The following NFATC3 variants were observed in gnomAD, a reference collection of about 807,000 sequenced individuals.
The protein encoded by NFATC3 is nuclear factor of activated T cells 3.
Under a neutral mutation model 98.6 loss-of-function variants are expected in NFATC3, and 46 were observed. The observed-to-expected ratio is 0.47, with a 90% CI of 0.37 to 0.60. NFATC3 has a LOEUF of 0.60. NFATC3 is among the 20% of genes least tolerant of loss of function. The pLI is 0.00. For synonymous variants in NFATC3, 512 were observed against 472.2 expected, an observed-to-expected ratio of 1.08 and a Z score of -1.09; for missense variants, 1,256 against 1,295.5, an observed-to-expected ratio of 0.97 and a Z score of 0.47.
chr16:68,209,557 A>G (rs1194534945), intron 9 of NFATC3: 1 of 321,832 alleles, frequency 3.1e-6, no homozygotes, highest in African/African-American at 2.2e-5. Flanking sequence ...ATGGCCTAGC[A>G]CGTGGAATTT....
chr16:68,132,298 G>T (rs546945442), intron 3 of NFATC3, among the ~76,000 whole-genome samples: 2 of 152,282 alleles, frequency 1.3e-5, no homozygotes, highest in East Asian at 3.9e-4. Context: ...GGAGGGTGGG[G>T]TAGGGTGAGG....
intron 3 of NFATC3, among the ~76,000 whole-genome samples, chr16:68,130,217 A>G (rs1266170368): frequency 6.6e-6 from 1 of 152,032 alleles, no homozygotes; most frequent in Admixed American, 6.6e-5. Flanking sequence ...TAATTTTTTG[A>G]GTAACCTCCA....
chr16:68,151,644 T>G (rs2038324954), intron 3 of NFATC3, among the ~76,000 whole-genome samples: 2 of 152,182 alleles, frequency 1.3e-5, no homozygotes, highest in Non-Finnish European at 2.9e-5. Context: ...TCTCTGGCCC[T>G]TTCTCCTTAA....
At chr16:68,086,190 G>A (rs1404310408) in intron 1 of NFATC3, among the ~76,000 whole-genome samples, 1 of 152,132 alleles carries the variant, frequency 6.6e-6, no homozygotes, top group Non-Finnish European at 1.5e-5. Context: ...TTTGAAAGAT[G>A]CTTATTTTTC....
chr16:68,215,413 A>G (rs1432628359), intron 9 of NFATC3, among the ~76,000 whole-genome samples: 1 of 152,258 alleles, frequency 6.6e-6, no homozygotes, highest in African/African-American at 2.4e-5. Flanking sequence ...GGATTAGTTA[A>G]GTCACCTGAG....
chr16:68,094,161 T>A (rs2151446122), intron 1 of NFATC3, among the ~76,000 whole-genome samples: 1 of 152,096 alleles, frequency 6.6e-6, no homozygotes, highest in South Asian at 2.1e-4. Flanking sequence ...GGTCAAGAGG[T>A]GATATCATTT....
intron 9 of NFATC3, among the ~76,000 whole-genome samples, chr16:68,218,377 C>G (rs2041715309): frequency 6.6e-6 from 1 of 151,536 alleles, no homozygotes; most frequent in Non-Finnish European, 1.5e-5. Flanking sequence ...GAGTTTGAGA[C>G]CAGCCTGGGC....
At chr16:68,088,083 G>C (rs775711083) in intron 1 of NFATC3, among the ~76,000 whole-genome samples, 5 of 151,948 alleles carry the variant, frequency 3.3e-5, no homozygotes, top group Non-Finnish European at 7.4e-5. Context: ...TAGTTTGAAG[G>C]AACAAAGTGG....
intron 9 of NFATC3, among the ~76,000 whole-genome samples, chr16:68,215,402 A>C (rs2041593764): frequency 6.6e-6 from 1 of 152,228 alleles, no homozygotes; most frequent in African/African-American, 2.4e-5. Flanking sequence ...AAGTTGCAGA[A>C]GGATTAGTTA....
chr16:68,191,945 C>A, intron 9 of NFATC3, 170 bp downstream of exon 9: 1 of 704,418 alleles, frequency 1.4e-6, no homozygotes, highest in Non-Finnish European at 2.3e-6. Context: ...TACCACGGCT[C>A]ACGCCTGTAT....
At chr16:68,163,332 C>T (rs1186005961) in intron 4 of NFATC3, among the ~76,000 whole-genome samples, 1 of 151,692 alleles carries the variant, frequency 6.6e-6, no homozygotes, top group African/African-American at 2.4e-5. Flanking sequence ...AGGCGCCCCT[C>T]ACCTCCCGGG....
At chr16:68,221,090 A>C in intron 9 of NFATC3, 7 of 1,269,958 alleles carry the variant, frequency 5.5e-6, no homozygotes, top group Non-Finnish European at 7.7e-6. Context: ...GCATATATCC[A>C]TTCAAGATGA....
At chr16:68,177,969 A>G (rs1474189681) in intron 6 of NFATC3, among the ~76,000 whole-genome samples, 1 of 151,732 alleles carries the variant, frequency 6.6e-6, no homozygotes, top group Non-Finnish European at 1.5e-5. Context: ...CCTTCTTAAC[A>G]CTTTTCCCCC....
intron 5 of NFATC3, among the ~76,000 whole-genome samples, chr16:68,167,899 C>T (rs1342056437): frequency 8.4e-6 from 1 of 119,576 alleles, no homozygotes; most frequent in Admixed American, 1.2e-4. Context: ...GTGTTGTGAT[C>T]TTGGCTCACT....
chr16:68,098,440 T>C (rs1204839410), intron 1 of NFATC3, among the ~76,000 whole-genome samples: 1 of 151,758 alleles, frequency 6.6e-6, no homozygotes, highest in Non-Finnish European at 1.5e-5. Flanking sequence ...TAGCTGGGAT[T>C]GCAGGCACAC....
chr16:68,113,704 T>C (rs1050405934), intron 1 of NFATC3, among the ~76,000 whole-genome samples: 3 of 152,222 alleles, frequency 2.0e-5, no homozygotes, highest in Non-Finnish European at 2.9e-5. Context: ...CATGAGACCA[T>C]GACCACCCCT....
intron 7 of NFATC3, among the ~76,000 whole-genome samples, chr16:68,182,243 A>C (rs1033968986): frequency 1.3e-5 from 2 of 152,198 alleles, no homozygotes; most frequent in African/African-American, 4.8e-5. Flanking sequence ...TACTTAACAC[A>C]TATTTCTAAC....
intron 3 of NFATC3, among the ~76,000 whole-genome samples, chr16:68,133,876 C>CT (rs1041659744): frequency 2.9e-4 from 43 of 146,456 alleles, no homozygotes; most frequent in South Asian, 2.4e-3. Context: ...GCTTTGTGCC[C>CT]TTTTTTTTAA....
chr16:68,089,210 G>A, intron 1 of NFATC3: 1 of 985,418 alleles, frequency 1.0e-6, no homozygotes, highest in Admixed American at 6.1e-5. Flanking sequence ...GAGGTAAGTG[G>A]ATAGAGAGTG....
Sources: gnomAD v4.1 joint callset for allele counts (sites outside exome capture counted in the v4.1 genomes callset) on GRCh38, gnomAD v4.1.1 for gene constraint, MANE v1.5 for transcripts, NCBI Gene and HGNC (gene_info 2026-07-23, HGNC 2026-07-21) for gene names.